The following DOK7 variants were observed in gnomAD, a reference collection of about 807,000 sequenced individuals.
The protein encoded by DOK7 is docking protein 7, also known as protein Dok-7.
Under a neutral mutation model 30.7 loss-of-function variants are expected in DOK7, and 32 were observed. The observed-to-expected ratio is 1.04, with a 90% confidence interval of 0.79 to 1.40. DOK7 has a LOEUF of 1.40. Among genes scored for constraint, DOK7 ranks in the 40% most tolerant of loss-of-function variants. The pLI is 0.00. For synonymous variants in DOK7, 447 were observed against 324.1 expected (o/e 1.38, Z -4.07); for missense variants, 1,007 against 699.2 (o/e 1.44, Z -4.97).
At chr4:3,482,517 C>T (rs1577161146) in intron 4 of DOK7, among the ~76,000 whole-genome samples, 1 of 152,248 alleles carries the variant, frequency 6.6e-6, no homozygotes, top group Admixed American at 6.5e-5. Context: ...GAGCATCCCT[C>T]ATGCCACTTT....
intron 4 of DOK7, chr4:3,484,578 G>A (rs1468558128): frequency 2.1e-5 from 21 of 985,242 alleles, no homozygotes; most frequent in Non-Finnish European, 2.4e-5. Flanking sequence ...TTCACCCCTG[G>A]CCGGGAGGGC....
At chr4:3,471,499 C>G (rs980932302) in intron 2 of DOK7, among the ~76,000 whole-genome samples, 3 of 152,206 alleles carry the variant, frequency 2.0e-5, no homozygotes, top group Admixed American at 2.0e-4. Context: ...GCCCGGGCCC[C>G]TGCAGCGATC....
chr4:3,491,474 CTCAT>C (rs1268937305), intron 6 of DOK7, among the ~76,000 whole-genome samples: 24 of 147,678 alleles, frequency 1.6e-4, no homozygotes, highest in East Asian at 4.1e-4. Flanking sequence ...TTCTCTCTCA[CTCAT>C]TCATTCTTTC....
downstream of DOK7, chr4:3,496,845 C>T: frequency 6.5e-7 from 1 of 1,535,498 alleles, no homozygotes; most frequent in Non-Finnish European, 8.7e-7. Flanking sequence ...GCCCCAGGAC[C>T]TGCGACAGCA....
downstream of DOK7, among the ~76,000 whole-genome samples, chr4:3,495,894 G>C (rs1728883487): frequency 1.3e-5 from 2 of 152,158 alleles, no homozygotes; most frequent in Admixed American, 6.5e-5. Context: ...GTCTAGACCA[G>C]CTCAGTTTGC....
chr4:3,496,918 G>C, downstream of DOK7: 1 of 1,489,196 alleles, frequency 6.7e-7, no homozygotes, highest in South Asian at 1.2e-5. Flanking sequence ...GGGAGTCTGG[G>C]TGGGCGCAGA....
intron 2 of DOK7, among the ~76,000 whole-genome samples, chr4:3,466,753 A>C (rs962636094): frequency 1.3e-5 from 2 of 152,240 alleles, no homozygotes; most frequent in Admixed American, 1.3e-4. Context: ...TCTTGAGGGC[A>C]ATGGAGAGGT....
chr4:3,487,909 A>C (rs1229505832), intron 5 of DOK7, among the ~76,000 whole-genome samples: 1 of 152,304 alleles, frequency 6.6e-6, no homozygotes, highest in East Asian at 1.9e-4. Flanking sequence ...CTGGACCCTC[A>C]GTGCACCAAG....
intron 6 of DOK7, among the ~76,000 whole-genome samples, chr4:3,490,526 C>A (rs1355802148): frequency 1.9e-5 from 2 of 103,724 alleles, no homozygotes; most frequent in Non-Finnish European, 3.9e-5. Flanking sequence ...CCTTCACCCC[C>A]CCGCTCATTC....
At chr4:3,473,307 C>A in intron 2 of DOK7, 99 bp from the exon 3 acceptor site, 3 of 1,248,256 alleles carry the variant, frequency 2.4e-6, no homozygotes, top group South Asian at 1.3e-5. Flanking sequence ...AGGTCATGAC[C>A]CCAGCCCGGG....
rs762340215 is a variant in DOK7, at chr4:3,494,130, G to A, written c.*629G>A. 2.0e-4 allele frequency: 200 copies of A among 985,664 alleles called. No individual in the cohort carries two copies. The highest frequency in any genetic ancestry group is 2.3e-4 in the Non-Finnish European group (190 of 830,194). The allele number at this position is 985,664 out of a possible 1,614,324, so 61.1% of individuals were successfully genotyped here. ...AGTGAAGCCCTTGTGGGAAGGTTCC[G>A]GGAGCAGGTGGTGTCCTCAGAGCAG... On this transcript the variant is annotated 3_prime_UTR_variant, in exon 7 of 7. Transcript: ENST00000340083.
In DOK7 at chr4:3,484,281, C is replaced by T. The variant is rs1168568342; in HGVS notation, c.533-1258C>T. 2.6e-5 allele frequency among the ~76,000 whole-genome samples: 4 copies of T among 152,338 alleles called. No individual in the cohort carries two copies. In the South Asian group the frequency reaches 6.2e-4, roughly 24 times the overall value. The stretch of plus-strand genomic sequence containing the variant: ...GGGGTGGCTGCCAAGGGGCCGGCAG[C>T]GTCGCCACGTGTCGGGGCTGGCCTG... On this transcript the variant is annotated intron_variant, in intron 4 of 6. Coordinates refer to ENST00000340083, the MANE Select transcript of DOK7 (RefSeq NM_173660.5).
In DOK7 at chr4:3,493,632, G is replaced by A. The variant is rs1728700774; in HGVS notation, c.*131G>A. The stretch of plus-strand genomic sequence containing the variant: ...GAGGGACCGGGGGTCTCCCGGAGAG[G>A]GGAGCTGGAGGGCGCGCCCTGTGGC... On this transcript the variant is annotated 3_prime_UTR_variant, in exon 7 of 7. Coordinates refer to ENST00000340083, the MANE Select transcript of DOK7 (RefSeq NM_173660.5). 10 of 1,480,634 alleles carry A rather than the reference G, an allele frequency of 6.8e-6. No homozygotes were observed. In the South Asian group the frequency reaches 1.4e-4, roughly 20 times the overall value. 91.7% of individuals were successfully genotyped at this position (1,480,634 alleles called of 1,614,324 possible). A position where few individuals can be genotyped will look rare whatever the true frequency, so the allele number is the denominator to read the frequency against.
intron 6 of DOK7, among the ~76,000 whole-genome samples, chr4:3,499,571 C>T (rs555135434): frequency 4.6e-5 from 7 of 152,300 alleles, no homozygotes; most frequent in Non-Finnish European, 1.5e-5. Flanking sequence ...GGGGTCCCCT[C>T]CTATCCTGCT....
chr4:3,481,605 A>G (rs1359490759), intron 4 of DOK7, among the ~76,000 whole-genome samples: 2 of 152,036 alleles, frequency 1.3e-5, no homozygotes, highest in Admixed American at 1.3e-4. Flanking sequence ...TGGGGGATGG[A>G]GAGGGCTGAG....
downstream of DOK7, among the ~76,000 whole-genome samples, chr4:3,496,140 C>T (rs1210935616): frequency 2.0e-5 from 3 of 152,236 alleles, no homozygotes; most frequent in Non-Finnish European, 4.4e-5. Flanking sequence ...GGCAGGAAGC[C>T]TCTGCTCAGC....
At chr4:3,474,500 C>T (rs568977275) in intron 3 of DOK7, among the ~76,000 whole-genome samples, 6 of 152,232 alleles carry the variant, frequency 3.9e-5, no homozygotes, top group African/African-American at 1.2e-4. Context: ...CCCTGGGCAA[C>T]GTGGCGAAAC....
At chr4:3,466,320 C>A (rs1346855984) in intron 2 of DOK7, among the ~76,000 whole-genome samples, 2 of 152,156 alleles carry the variant, frequency 1.3e-5, no homozygotes, top group African/African-American at 4.8e-5. Flanking sequence ...GCAGGAGGGA[C>A]CCCACGGAGA....
chr4:3,467,298 C>T (rs1726350482), intron 2 of DOK7, among the ~76,000 whole-genome samples: 3 of 151,902 alleles, frequency 2.0e-5, no homozygotes, highest in African/African-American at 7.3e-5. Context: ...TTCCCTCCCG[C>T]CCTCCCCGGC....
Sources: allele counts gnomAD v4.1 joint callset (sites outside exome capture counted in the v4.1 genomes callset), GRCh38; gene constraint gnomAD v4.1.1; transcripts MANE v1.5; gene names NCBI Gene and HGNC (gene_info 2026-07-23, HGNC 2026-07-21).